Variants in CSMD2 observed in about 807,000 individuals in gnomAD.
CSMD2 encodes CUB and sushi domain-containing protein 2.
Under a neutral mutation model 398.5 loss-of-function variants are expected in CSMD2, and 130 were observed. That is an observed-to-expected ratio of 0.33 (90% CI 0.28 to 0.38). CSMD2 has a LOEUF of 0.38. CSMD2 is among the 10% of genes least tolerant of loss of function. The probability of loss-of-function intolerance (pLI) is 1.00; values close to 1 mark genes in which losing one functional copy is unlikely to be tolerated. For synonymous variants in CSMD2, 1,828 were observed against 1,908.5 expected, an observed-to-expected ratio of 0.96 and a Z score of 1.10; for missense variants, 3,829 against 4,764.9, an observed-to-expected ratio of 0.80 and a Z score of 5.78.
chr1:34,004,728 G>C (rs1160430660), intron 3 of CSMD2, among the ~76,000 whole-genome samples: 2 of 152,062 alleles, frequency 1.3e-5, no homozygotes, highest in Non-Finnish European at 2.9e-5. Flanking sequence ...TCTCCCTAGG[G>C]GGCTTTTTAG....
At chr1:33,562,809 C>A (rs1302099115) in intron 53 of CSMD2, among the ~76,000 whole-genome samples, 1 of 152,182 alleles carries the variant, frequency 6.6e-6, no homozygotes, top group Non-Finnish European at 1.5e-5. Context: ...AGCCTGCTAT[C>A]CCTGGAAGAA....
intron 41 of CSMD2, among the ~76,000 whole-genome samples, chr1:33,607,255 TG>T (rs1354696445): frequency 6.6e-6 from 1 of 152,146 alleles, no homozygotes; most frequent in Non-Finnish European, 1.5e-5. Flanking sequence ...ACTAAGAACT[TG>T]ATGGGAATCT....
intron 1 of CSMD2, among the ~76,000 whole-genome samples, chr1:34,092,943 C>G (rs1346437374): frequency 2.0e-5 from 3 of 152,078 alleles, no homozygotes; most frequent in Non-Finnish European, 4.4e-5. Flanking sequence ...GTAGGCTCCA[C>G]CTCTGGGGGC....
intron 10 of CSMD2, among the ~76,000 whole-genome samples, chr1:33,799,307 G>A (rs1446854525): frequency 1.3e-5 from 2 of 152,220 alleles, no homozygotes; most frequent in Non-Finnish European, 2.9e-5. Context: ...GAAGTTTGCT[G>A]ATGGCTTCCC....
In CSMD2 at chr1:34,164,754, G is replaced by A. The variant is rs1326422685; in HGVS notation, c.187+157C>T. On this transcript the variant is annotated intron_variant, in intron 1 of 70. Transcript: ENST00000373381. The surrounding 1 kb of genome is among the most constrained non-coding windows in gnomAD (Gnocchi z 6.2). Reference sequence around the variant, plus strand: ...GGCTGAGGGTGGGGTGGGAGACGGAGGCAGGGATGAGAATGAGAGTAGGCA... The same window carrying A: ...GGCTGAGGGTGGGGTGGGAGACGGAAGCAGGGATGAGAATGAGAGTAGGCA... Among the ~76,000 whole-genome samples the A allele has an allele frequency of 6.6e-6, 1 of 151,786 alleles. No homozygotes were observed. The highest frequency in any genetic ancestry group is 6.6e-5 in the Admixed American group (1 of 15,250).
chr1:33,707,421 T>C (rs553234647), intron 22 of CSMD2, among the ~76,000 whole-genome samples: 37 of 152,236 alleles, frequency 2.4e-4, no homozygotes, highest in African/African-American at 8.4e-4. Flanking sequence ...CTCAAATGGA[T>C]GGAGGGAAGT....
intron 25 of CSMD2, 146 bp downstream of exon 25, chr1:33,692,784 G>C (rs747175665): frequency 3.3e-5 from 33 of 987,206 alleles, no homozygotes; most frequent in Non-Finnish European, 4.8e-5. Context: ...ATTTTCTAAG[G>C]CATCCAGTAT....
chr1:33,558,131 T>G (rs1217976399), intron 54 of CSMD2, among the ~76,000 whole-genome samples: 1 of 152,218 alleles, frequency 6.6e-6, no homozygotes. Flanking sequence ...CTCCCACCTC[T>G]TCCCAGATTG....
At chr1:33,839,665 T>C (rs1048452017) in intron 6 of CSMD2, 10 of 152,184 alleles carry the variant, frequency 6.6e-5, no homozygotes, top group African/African-American at 2.4e-4. Flanking sequence ...TGAAGGTTGA[T>C]GGGAAAAATG....
intron 2 of CSMD2, among the ~76,000 whole-genome samples, chr1:34,059,718 G>GTGAATGAATGAATGAA (rs146583969): frequency 0.037 from 5,543 of 151,434 alleles, 121 homozygotes; most frequent in East Asian, 0.058. Context: ...GAATGAATAC[G>GTGAATGAATGAATGAA]TGAATGAATG....
chr1:33,961,268 C>G (rs1395906829), intron 3 of CSMD2, among the ~76,000 whole-genome samples: 1 of 152,240 alleles, frequency 6.6e-6, no homozygotes, highest in African/African-American at 2.4e-5. Flanking sequence ...CTGTGCTTCC[C>G]CCAGTTCAAG....
At chr1:34,081,086 A>AT (rs2148334488) in intron 2 of CSMD2, among the ~76,000 whole-genome samples, 1 of 152,312 alleles carries the variant, frequency 6.6e-6, no homozygotes, top group East Asian at 1.9e-4. Context: ...GACACTCTCA[A>AT]TAAAATGGGT....
At chr1:34,079,116 T>C (rs920109002) in intron 2 of CSMD2, among the ~76,000 whole-genome samples, 3 of 152,164 alleles carry the variant, frequency 2.0e-5, no homozygotes, top group Non-Finnish European at 4.4e-5. Context: ...TAAAAATTTT[T>C]ATTAGAAGGG....
chr1:33,786,397 G>A (rs902788271), intron 12 of CSMD2, among the ~76,000 whole-genome samples: 22 of 152,154 alleles, frequency 1.4e-4, no homozygotes, highest in African/African-American at 5.3e-4. Flanking sequence ...CCTTTTCAAA[G>A]TAGTGAGTGA....
At position 33,966,153 on chromosome 1, in the gene CSMD2, A is replaced by G. The variant is rs566569134; in HGVS notation, c.518-30199T>C. On this transcript the variant is annotated intron_variant, in intron 3 of 70. Transcript: ENST00000373381. Reference sequence around the variant, plus strand: ...AACCTACATGGCTCCCTGAACTTCCAGGGAGTTTCCTAATCCAAGGAGTCC... The same window carrying G: ...AACCTACATGGCTCCCTGAACTTCCGGGGAGTTTCCTAATCCAAGGAGTCC... Among the ~76,000 whole-genome samples the G allele has an allele frequency of 2.6e-5, 4 of 152,306 alleles. No individual in the cohort carries two copies. The South Asian group carries it at 6.2e-4, about 24-fold the overall frequency.
chr1:33,521,399 C>T (rs987828031), intron 68 of CSMD2, 64 bp downstream of exon 68: 46 of 1,119,308 alleles, frequency 4.1e-5, no homozygotes, highest in Non-Finnish European at 5.5e-5. Context: ...TACCTGACCA[C>T]GGCACACACG....
chr1:33,544,874 C>T (rs1656730167), intron 57 of CSMD2, among the ~76,000 whole-genome samples: 1 of 145,912 alleles, frequency 6.9e-6, no homozygotes, highest in Non-Finnish European at 1.5e-5. Flanking sequence ...ATCTCTGCCT[C>T]ACATTCACCC....
At chr1:34,141,795 C>G (rs146236438) in intron 1 of CSMD2, among the ~76,000 whole-genome samples, 1 of 152,076 alleles carries the variant, frequency 6.6e-6, no homozygotes, top group Admixed American at 6.5e-5. Context: ...TGGAAATAGG[C>G]GAGAATGCAA....
intron 47 of CSMD2, 77 bp from the exon 48 acceptor site, chr1:33,580,976 G>A (rs1638659374): frequency 6.7e-7 from 1 of 1,481,610 alleles, no homozygotes; most frequent in Non-Finnish European, 9.2e-7. Context: ...TCAGGGCTCA[G>A]AGGGTGGGGT....
Sources: gnomAD v4.1 joint callset for allele counts (sites outside exome capture counted in the v4.1 genomes callset) on GRCh38, gnomAD v4.1.1 for gene constraint, Gnocchi (gnomAD v3.1) non-coding constraint, MANE v1.5 for transcripts, NCBI Gene and HGNC (gene_info 2026-07-23, HGNC 2026-07-21) for gene names.